Variants in SPRY3 observed in about 807,000 individuals in gnomAD.
SPRY3 encodes the protein protein sprouty homolog 3.
Under a neutral mutation model 20.2 loss-of-function variants are expected in SPRY3, and 15 were observed. The ratio of observed to expected loss-of-function variants is 0.74; its 90% CI spans 0.50 to 1.14. The LOEUF is 1.14. Among genes scored for constraint, SPRY3 ranks in the 50% most tolerant of loss-of-function variants. The pLI, the probability that SPRY3 is intolerant of heterozygous loss-of-function variation, is 0.00. For missense variants in SPRY3, 364 were observed against 363.9 expected, an observed-to-expected ratio of 1.00 and a Z score of 0.00; for synonymous variants, 143 against 136.5, an observed-to-expected ratio of 1.05 and a Z score of -0.33.
At chrX:155,717,528 G>GT (rs1339986496) in intron 2 of SPRY3, among the ~76,000 whole-genome samples, 1 of 152,004 alleles carries the variant, frequency 6.6e-6, no homozygotes, top group African/African-American at 2.4e-5. Context: ...CATGCATTAG[G>GT]TATTTGTCCT....
intron 2 of SPRY3, among the ~76,000 whole-genome samples, chrX:155,752,007 G>A (rs1008084067): frequency 6.7e-6 from 1 of 148,864 alleles, no homozygotes; most frequent in South Asian, 2.2e-4. Context: ...AGGAAAGGAG[G>A]GGATGAAGAA....
intron 2 of SPRY3, among the ~76,000 whole-genome samples, chrX:155,767,295 C>G (rs1037732849): frequency 2.0e-5 from 3 of 151,926 alleles, no homozygotes; most frequent in African/African-American, 7.3e-5. Flanking sequence ...TCCCCTATAA[C>G]CCATTCACAA....
At chrX:155,633,615 TCTGAGAACC>T (rs2067914234) in intron 1 of SPRY3, among the ~76,000 whole-genome samples, 1 of 111,149 alleles carries the variant, frequency 9.0e-6, no homozygotes, top group Non-Finnish European at 1.9e-5. Context: ...GATGTTAATT[TCTGAGAACC>T]CACATTATTA....
chrX:155,755,589 G>T (rs1403274176), intron 2 of SPRY3, among the ~76,000 whole-genome samples: 2 of 152,010 alleles, frequency 1.3e-5, no homozygotes, highest in Admixed American at 1.3e-4. Flanking sequence ...GTGAGATTAT[G>T]TATATAAAAT....
At chrX:155,711,076 G>A (rs2090982896) in intron 2 of SPRY3, among the ~76,000 whole-genome samples, 1 of 151,750 alleles carries the variant, frequency 6.6e-6, no homozygotes, top group Admixed American at 6.6e-5. Context: ...GTATTTTGTT[G>A]AAGAATTTGC....
At chrX:155,644,538 C>T (rs1422491319) in intron 1 of SPRY3, among the ~76,000 whole-genome samples, 1 of 110,892 alleles carries the variant, frequency 9.0e-6, no homozygotes, top group Admixed American at 9.6e-5. Context: ...TGTGTCTGAC[C>T]CCGCACTCAA....
At chrX:155,752,852 G>A (rs1391421360) in intron 2 of SPRY3, among the ~76,000 whole-genome samples, 1 of 151,810 alleles carries the variant, frequency 6.6e-6, no homozygotes, top group Admixed American at 6.6e-5. Flanking sequence ...TTCAAAACAT[G>A]TATTTGTCCC....
At chrX:155,666,711 T>C in intron 2 of SPRY3, among the ~76,000 whole-genome samples, 1 of 111,335 alleles carries the variant, frequency 9.0e-6, no homozygotes, top group East Asian at 2.8e-4. Flanking sequence ...TATTTTGGAT[T>C]TATACATGTT....
rs192499326 is a variant in SPRY3 at position 155,766,075 on chromosome X, C to G, written c.-281-1887C>G. ...AGAGAATTTACAGGAGATTTCCTGA[C>G]TAGAAATTCCAAATGGGAAAAGAGA... is the stretch of plus-strand genomic sequence containing the variant. On this transcript the variant is annotated intron_variant, in intron 2 of 3. Coordinates refer to ENST00000675360, the Ensembl canonical transcript of SPRY3. Among the ~76,000 whole-genome samples the G allele has an allele frequency of 2.5e-3, 374 of 152,234 alleles. 1 individual carries two copies. Among genetic ancestry groups the G allele is most frequent in the African/African-American group, 8.5e-3 (351 of 41,538 alleles).
At chrX:155,705,655 TAA>T (rs2090945461) in intron 2 of SPRY3, among the ~76,000 whole-genome samples, 1 of 151,148 alleles carries the variant, frequency 6.6e-6, no homozygotes, top group Non-Finnish European at 1.5e-5. Flanking sequence ...ATGTTGAAAG[TAA>T]AAGAGTGGAG....
At chrX:155,659,510 A>G (rs1557353450) in intron 2 of SPRY3, among the ~76,000 whole-genome samples, 2 of 109,953 alleles carry the variant, frequency 1.8e-5, no homozygotes, top group Admixed American at 2.0e-4. Context: ...TTCCCTTTTC[A>G]TTGTGTCCTT....
intron 1 of SPRY3, among the ~76,000 whole-genome samples, chrX:155,635,641 T>C (rs914068269): frequency 2.9e-4 from 32 of 111,830 alleles, no homozygotes; most frequent in African/African-American, 1.0e-3. Context: ...ATCAGAGAAA[T>C]GCAAATCAAA....
intron 2 of SPRY3, among the ~76,000 whole-genome samples, chrX:155,681,225 G>A (rs963074936): frequency 2.7e-5 from 3 of 111,376 alleles, no homozygotes; most frequent in African/African-American, 9.8e-5. Flanking sequence ...TCTCATGGGA[G>A]TAAATAAGTC....
chrX:155,717,559 C>T (rs1279936478), intron 2 of SPRY3, among the ~76,000 whole-genome samples: 1 of 151,918 alleles, frequency 6.6e-6, no homozygotes, highest in African/African-American at 2.4e-5. Context: ...CTCCTCTTGC[C>T]CCCCACCCCC....
At chrX:155,672,694 AC>A (rs1216586670) in intron 2 of SPRY3, among the ~76,000 whole-genome samples, 2 of 107,527 alleles carry the variant, frequency 1.9e-5, no homozygotes, top group Admixed American at 9.8e-5. Flanking sequence ...ATACCATTTG[AC>A]CCAGCCATCC....
chrX:155,705,998 A>T (rs1163032472), intron 2 of SPRY3, among the ~76,000 whole-genome samples: 1 of 151,360 alleles, frequency 6.6e-6, no homozygotes, highest in Non-Finnish European at 1.5e-5. Context: ...AGAAGATCTG[A>T]ACAGCACTAA....
At chrX:155,738,984 C>CTGGCCAGAGGCAGCAGGCTGGAGA (rs761602598) in intron 2 of SPRY3, among the ~76,000 whole-genome samples, 3 of 152,306 alleles carry the variant, frequency 2.0e-5, no homozygotes, top group Admixed American at 6.5e-5. Context: ...AGAATTCCAG[C>CTGGCCAGAGGCAGCAGGCTGGAGA]TGGCCAGAGG....
At chrX:155,705,412 A>C (rs1161065322) in intron 2 of SPRY3, among the ~76,000 whole-genome samples, 2 of 151,440 alleles carry the variant, frequency 1.3e-5, no homozygotes, top group Non-Finnish European at 3.0e-5. Flanking sequence ...TAAATGCTCA[A>C]ATAACACAAG....
chrX:155,753,428 G>A (rs947437934), intron 2 of SPRY3, among the ~76,000 whole-genome samples: 3 of 151,802 alleles, frequency 2.0e-5, no homozygotes, highest in Admixed American at 6.6e-5. Context: ...TCAGTGCTTC[G>A]TCCTTTTGTG....
Sources: allele counts gnomAD v4.1 joint callset (sites outside exome capture counted in the v4.1 genomes callset), GRCh38; gene constraint gnomAD v4.1.1; transcripts MANE v1.5; gene names NCBI Gene and HGNC (gene_info 2026-07-23, HGNC 2026-07-21).